ATP8A2: variants seen among roughly 807,000 people sequenced by gnomAD.
The protein encoded by ATP8A2 is phospholipid-transporting ATPase IB.
Under a neutral mutation model 165.6 loss-of-function variants are expected in ATP8A2, and 100 were observed. The ratio of observed to expected loss-of-function variants is 0.60; its 90% CI spans 0.51 to 0.71. The LOEUF is 0.71. ATP8A2 is among the 30% of genes least tolerant of loss of function. ATP8A2 has a pLI of 0.00. For missense variants in ATP8A2, 1,227 were observed against 1,479.5 expected (o/e 0.83, Z 2.80); for synonymous variants, 543 against 548.8 (o/e 0.99, Z 0.15).
intron 25 of ATP8A2, among the ~76,000 whole-genome samples, chr13:25,742,897 A>G (rs550133418): frequency 1.3e-5 from 2 of 152,212 alleles, no homozygotes; most frequent in South Asian, 2.1e-4. Flanking sequence ...AGGTGCTCTT[A>G]TAGCACAGCC....
rs527928918 is a variant in ATP8A2 at position 25,503,549 on chromosome 13, T to C, written c.222-26450T>C. On this transcript the variant is annotated intron_variant, in intron 2 of 36. Transcript: ENST00000381655. ...CAAGAACTCAGCCTCCATTTGCACA[T>C]GGGGCCAGGACAAGACCTCATGTGC... is the stretch of plus-strand genomic sequence containing the variant. 5.9e-5 allele frequency among the ~76,000 whole-genome samples: 9 copies of C among 152,240 alleles called. No individual in the cohort carries two copies. The South Asian group carries it at 8.3e-4, about 14-fold the overall frequency.
rs377352124 is a variant in ATP8A2, at chr13:25,480,765, A to G, written c.221+11644A>G. ...TTCCTAGACGGGGTGGCGGCCGGGC[A>G]GAGGCTGCACTCTGGGCACTTTGGG... On this transcript the variant is annotated intron_variant, in intron 2 of 36. Coordinates refer to ENST00000381655, the MANE Select transcript of ATP8A2 (RefSeq NM_016529.6). Among the ~76,000 whole-genome samples the G allele has an allele frequency of 1.0e-3, 154 of 150,830 alleles. 1 individual carries two copies. The East Asian group carries it at 0.022, about 22-fold the overall frequency.
Position 25,372,315 on chromosome 13 carries a change from A to G in ATP8A2, c.76+27A>G. 2.0e-6 allele frequency: 1 copy of G among 494,958 alleles called. No homozygotes were observed. Among genetic ancestry groups the G allele is most frequent in the South Asian group, 1.9e-5 (1 of 52,038 alleles). The allele number at this position is 494,958 out of a possible 1,614,324, so 30.7% of individuals were successfully genotyped here. The stretch of plus-strand genomic sequence containing the variant: ...TGAGCTGGGAGGGGCGCGGCGAGGG[A>G]GGGTGGGCCCGGGGCGGGGGCGGCG... On this transcript the variant is annotated intron_variant, in intron 1 of 36. Coordinates refer to ENST00000381655, the MANE Select transcript of ATP8A2 (RefSeq NM_016529.6). This position sits in a 1 kb window ranked among gnomAD's most constrained non-coding sequence, Gnocchi z 4.8.
At chr13:25,973,166 A>G (rs1955951843) in intron 35 of ATP8A2, among the ~76,000 whole-genome samples, 1 of 152,124 alleles carries the variant, frequency 6.6e-6, no homozygotes, top group South Asian at 2.1e-4. Context: ...CTTCCCCTTA[A>G]GTGCTTTCCC....
At chr13:25,533,092 G>A (rs868098798) in intron 5 of ATP8A2, among the ~76,000 whole-genome samples, 181 bp from the exon 6 acceptor site, 7 of 152,144 alleles carry the variant, frequency 4.6e-5, no homozygotes, top group African/African-American at 1.4e-4. Flanking sequence ...TGTTACAGAG[G>A]TACATACCAT....
chr13:25,902,324 C>T (rs1278970662), intron 33 of ATP8A2, among the ~76,000 whole-genome samples: 2 of 152,178 alleles, frequency 1.3e-5, no homozygotes, highest in Non-Finnish European at 2.9e-5. Context: ...TTCTTAACCC[C>T]TTCCCAAAGC....
At chr13:25,714,033 T>C (rs192276920) in intron 25 of ATP8A2, among the ~76,000 whole-genome samples, 15 of 152,256 alleles carry the variant, frequency 9.9e-5, no homozygotes, top group Admixed American at 5.9e-4. Context: ...TAGGCTGATA[T>C]AGATTTCTGT....
At chr13:25,985,513 C>G (rs1054207713) in intron 35 of ATP8A2, among the ~76,000 whole-genome samples, 11 of 152,290 alleles carry the variant, frequency 7.2e-5, no homozygotes, top group Admixed American at 5.9e-4. Flanking sequence ...AGAGAAGCAC[C>G]TAGCTTGTTT....
chr13:25,480,761 G>A (rs1398888693), intron 2 of ATP8A2, among the ~76,000 whole-genome samples: 6 of 150,830 alleles, frequency 4.0e-5, no homozygotes, highest in South Asian at 2.1e-4. Context: ...GGTGGCGGCC[G>A]GGCAGAGGCT....
chr13:25,852,315 T>C (rs1952027342), intron 30 of ATP8A2, among the ~76,000 whole-genome samples: 2 of 152,176 alleles, frequency 1.3e-5, no homozygotes, highest in African/African-American at 4.8e-5. Context: ...CAGTCTGCGA[T>C]GCACAGGTCA....
intron 1 of ATP8A2, among the ~76,000 whole-genome samples, chr13:25,390,295 AT>A (rs1160225681): frequency 6.6e-6 from 1 of 152,002 alleles, no homozygotes; most frequent in East Asian, 1.9e-4. Flanking sequence ...TGCCCAGCCC[AT>A]TTTTTTGGCT....
chr13:25,491,275 T>A (rs1464561742), intron 2 of ATP8A2, among the ~76,000 whole-genome samples: 1 of 152,206 alleles, frequency 6.6e-6, no homozygotes, highest in Admixed American at 6.5e-5. Context: ...GAACAGTACA[T>A]GTGCATTTTG....
chr13:26,016,721 T>C (rs2139371820), intron 36 of ATP8A2, among the ~76,000 whole-genome samples: 1 of 152,310 alleles, frequency 6.6e-6, no homozygotes, highest in African/African-American at 2.4e-5. Context: ...TTGGATGGAC[T>C]GTTGACACCG....
intron 1 of ATP8A2, among the ~76,000 whole-genome samples, chr13:25,416,244 C>G (rs1013551961): frequency 4.6e-5 from 7 of 152,168 alleles, no homozygotes; most frequent in Non-Finnish European, 8.8e-5. Flanking sequence ...ACTGTTTCTA[C>G]TATAGAAAAT....
intron 35 of ATP8A2, among the ~76,000 whole-genome samples, chr13:25,974,023 C>G (rs779782301): frequency 6.6e-5 from 10 of 152,220 alleles, no homozygotes; most frequent in Non-Finnish European, 1.0e-4. Flanking sequence ...GCTTCCAGCA[C>G]CTGGTTGAGA....
intron 2 of ATP8A2, among the ~76,000 whole-genome samples, chr13:25,485,755 G>A (rs1485688408): frequency 6.6e-6 from 1 of 152,210 alleles, no homozygotes; most frequent in African/African-American, 2.4e-5. Context: ...GTATTGGACT[G>A]TCAGGAATTT....
intron 33 of ATP8A2, among the ~76,000 whole-genome samples, chr13:25,879,780 A>G (rs1952924408): frequency 1.3e-5 from 2 of 152,254 alleles, no homozygotes; most frequent in South Asian, 4.1e-4. Flanking sequence ...TCTCCTGCAA[A>G]TAATAGGAGG....
In ATP8A2 at chr13:25,537,104, G is replaced by A. The variant is rs147115043; in HGVS notation, c.508-884G>A. Among the ~76,000 whole-genome samples, 43 of 152,294 alleles carry A rather than the reference G, an allele frequency of 2.8e-4. 2 individuals carry two copies. In the East Asian group the frequency reaches 7.0e-3, roughly 25 times the overall value. On this transcript the variant is annotated intron_variant, in intron 6 of 36. Transcript: ENST00000381655. Reference sequence around the variant, plus strand: ...AAGGATTGGTAGACACTTCGCCATGGTACCATTTTGGAGACTACAGCCCTT... The same window carrying A: ...AAGGATTGGTAGACACTTCGCCATGATACCATTTTGGAGACTACAGCCCTT...
chr13:25,717,901 C>T (rs1368411974), intron 25 of ATP8A2, among the ~76,000 whole-genome samples: 1 of 152,110 alleles, frequency 6.6e-6, no homozygotes, highest in African/African-American at 2.4e-5. Flanking sequence ...CCTCGCTTAT[C>T]GATGGCATTT....
Sources: gnomAD v4.1 joint callset for allele counts (sites outside exome capture counted in the v4.1 genomes callset) on GRCh38, gnomAD v4.1.1 for gene constraint, Gnocchi (gnomAD v3.1) non-coding constraint, MANE v1.5 for transcripts, NCBI Gene and HGNC (gene_info 2026-07-23, HGNC 2026-07-21) for gene names.